Variants in LSAMP observed in about 807,000 individuals in gnomAD.
LSAMP encodes the protein limbic system associated membrane protein.
Under a neutral mutation model 38.6 loss-of-function variants are expected in LSAMP, and 7 were observed. That is an observed-to-expected ratio of 0.18 (90% CI 0.10 to 0.34). LSAMP has a LOEUF of 0.34. Among genes scored for constraint, LSAMP ranks in the 10% least tolerant of loss-of-function variants. LSAMP has a pLI of 1.00. For missense variants in LSAMP, 313 were observed against 420.0 expected (o/e 0.75, Z 2.23); for synonymous variants, 154 against 166.8 (o/e 0.92, Z 0.59).
At chr3:115,964,349 T>C (rs561966135) in intron 3 of LSAMP, among the ~76,000 whole-genome samples, 24 of 152,312 alleles carry the variant, frequency 1.6e-4, no homozygotes, top group African/African-American at 5.8e-4. Flanking sequence ...AAATGAGTTA[T>C]GGTACAGTGC....
chr3:115,999,941 A>T (rs1939940804), intron 3 of LSAMP, among the ~76,000 whole-genome samples: 1 of 152,188 alleles, frequency 6.6e-6, no homozygotes, highest in African/African-American at 2.4e-5. Context: ...GGCGTTCCCC[A>T]GTCATTCTCC....
intron 3 of LSAMP, among the ~76,000 whole-genome samples, chr3:115,883,950 A>T (rs980213368): frequency 6.6e-6 from 1 of 152,124 alleles, no homozygotes; most frequent in Non-Finnish European, 1.5e-5. Context: ...CTAATTTCTT[A>T]AATCTTGCTT....
At chr3:116,408,022 T>G (rs924312209) in intron 1 of LSAMP, among the ~76,000 whole-genome samples, 1 of 152,036 alleles carries the variant, frequency 6.6e-6, no homozygotes, top group East Asian at 1.9e-4. Flanking sequence ...CTTGAGGTAA[T>G]CATCACACAA....
At chr3:116,031,289 A>T (rs1377773642) in intron 2 of LSAMP, among the ~76,000 whole-genome samples, 5 of 152,070 alleles carry the variant, frequency 3.3e-5, no homozygotes, top group Non-Finnish European at 7.4e-5. Context: ...GCATGAGAAA[A>T]GGTGATGAGG....
At chr3:116,145,649 T>C (rs976345450) in intron 1 of LSAMP, among the ~76,000 whole-genome samples, 4 of 151,994 alleles carry the variant, frequency 2.6e-5, no homozygotes, top group South Asian at 2.1e-4. Flanking sequence ...ACCAAGCAAC[T>C]AAATACTGTA....
At chr3:116,254,988 G>T (rs920181217) in intron 1 of LSAMP, among the ~76,000 whole-genome samples, 2 of 152,124 alleles carry the variant, frequency 1.3e-5, no homozygotes, top group African/African-American at 4.8e-5. Flanking sequence ...TGGATGTTAG[G>T]AAAGCATCTT....
At chr3:116,320,495 C>T (rs1359502458) in intron 1 of LSAMP, among the ~76,000 whole-genome samples, 1 of 152,092 alleles carries the variant, frequency 6.6e-6, no homozygotes. Flanking sequence ...TATGTCATTA[C>T]ATGTAACAAC....
intron 3 of LSAMP, among the ~76,000 whole-genome samples, chr3:115,995,230 C>T (rs546664953): frequency 6.6e-6 from 1 of 152,076 alleles, no homozygotes; most frequent in African/African-American, 2.4e-5. Context: ...TGTCAGTAGC[C>T]AGGTAATTAA....
chr3:115,954,441 A>T (rs1938390604), intron 3 of LSAMP, among the ~76,000 whole-genome samples: 1 of 152,228 alleles, frequency 6.6e-6, no homozygotes, highest in South Asian at 2.1e-4. Context: ...GGAGCAAGAA[A>T]AATTAAGTTC....
chr3:115,998,283 G>A (rs780681884), intron 3 of LSAMP, among the ~76,000 whole-genome samples: 21 of 152,106 alleles, frequency 1.4e-4, no homozygotes, highest in Non-Finnish European at 2.2e-4. Context: ...ACTGGGGTAA[G>A]GGGTAAATAT....
intron 4 of LSAMP, among the ~76,000 whole-genome samples, chr3:115,847,688 C>T (rs540812161): frequency 6.6e-6 from 1 of 152,340 alleles, no homozygotes; most frequent in African/African-American, 2.4e-5. Flanking sequence ...CTCCTGCACT[C>T]ATTCCCTTTC....
chr3:115,896,197 A>C (rs1936724390), intron 3 of LSAMP, among the ~76,000 whole-genome samples: 1 of 152,120 alleles, frequency 6.6e-6, no homozygotes, highest in African/African-American at 2.4e-5. Flanking sequence ...TAAGATTTAT[A>C]AATAAGACAG....
chr3:116,422,222 G>A (rs559176013), intron 1 of LSAMP, among the ~76,000 whole-genome samples: 2 of 152,226 alleles, frequency 1.3e-5, no homozygotes, highest in African/African-American at 4.8e-5. Flanking sequence ...AAGTGTCCAG[G>A]AAAAGCAAAT....
intron 3 of LSAMP, among the ~76,000 whole-genome samples, chr3:115,860,096 G>A (rs111651678): frequency 1.8e-4 from 27 of 152,296 alleles, no homozygotes; most frequent in African/African-American, 3.9e-4. Context: ...GCACAATGTC[G>A]GAACCTATTA....
intron 1 of LSAMP, among the ~76,000 whole-genome samples, chr3:116,359,206 A>G (rs1164708754): frequency 6.6e-6 from 1 of 152,188 alleles, no homozygotes. Flanking sequence ...TATGTGTATA[A>G]TATATTTTTA....
intron 1 of LSAMP, among the ~76,000 whole-genome samples, chr3:116,265,244 G>A (rs1026344740): frequency 6.6e-6 from 1 of 151,982 alleles, no homozygotes; most frequent in Non-Finnish European, 1.5e-5. Context: ...CTGAGAAAGG[G>A]TCACTTAGAG....
intron 3 of LSAMP, among the ~76,000 whole-genome samples, chr3:115,995,790 G>C (rs1273502383): frequency 1.3e-5 from 2 of 152,024 alleles, no homozygotes; most frequent in African/African-American, 4.8e-5. Context: ...TTATCCCCAT[G>C]ATCAAATTTT....
At chr3:116,132,831 C>A (rs971697100) in intron 1 of LSAMP, among the ~76,000 whole-genome samples, 1 of 152,114 alleles carries the variant, frequency 6.6e-6, no homozygotes, top group Non-Finnish European at 1.5e-5. Context: ...ACATATGTCC[C>A]AAAATACATG....
At chr3:116,330,553 C>G (rs551250718) in intron 1 of LSAMP, among the ~76,000 whole-genome samples, 34 of 152,160 alleles carry the variant, frequency 2.2e-4, no homozygotes, top group East Asian at 7.7e-4. Context: ...CATGCTCCCC[C>G]CCCCACAACC....
Sources: gnomAD v4.1 joint callset for allele counts (sites outside exome capture counted in the v4.1 genomes callset) on GRCh38, gnomAD v4.1.1 for gene constraint, MANE v1.5 for transcripts, NCBI Gene and HGNC (gene_info 2026-07-23, HGNC 2026-07-21) for gene names.